The following ENTREP2 variants were observed in gnomAD, a reference collection of about 807,000 sequenced individuals.
ENTREP2 encodes the protein protein ENTREP2.
the ENTREP2 span, among the ~76,000 whole-genome samples, chr15:29,673,485 G>A: frequency 5.3e-5 from 8 of 152,140 alleles, no homozygotes; most frequent in Non-Finnish European, 1.0e-4. Flanking sequence ...AGAGGCCACA[G>A]GATCCCATGT....
chr15:29,253,770 G>C, the ENTREP2 span, among the ~76,000 whole-genome samples: 1 of 151,642 alleles, frequency 6.6e-6, no homozygotes, highest in African/African-American at 2.4e-5. Context: ...TGATGTTAGC[G>C]GCCATTTTTA....
the ENTREP2 span, among the ~76,000 whole-genome samples, chr15:29,617,794 C>G: frequency 6.6e-6 from 1 of 152,206 alleles, no homozygotes; most frequent in Non-Finnish European, 1.5e-5. Context: ...CCGATGGCTG[C>G]ACAAGGTGGT....
chr15:29,596,279 G>A, the ENTREP2 span, among the ~76,000 whole-genome samples: 2 of 152,272 alleles, frequency 1.3e-5, no homozygotes, highest in South Asian at 2.1e-4. Flanking sequence ...ATATTGAGAA[G>A]CATGAGTTCC....
the ENTREP2 span, among the ~76,000 whole-genome samples, chr15:29,411,518 CT>C: frequency 6.6e-6 from 1 of 152,194 alleles, no homozygotes; most frequent in African/African-American, 2.4e-5. Flanking sequence ...ATTTTGTCCA[CT>C]TTTCTATTGA....
the ENTREP2 span, among the ~76,000 whole-genome samples, chr15:29,600,469 T>TCATCATCATCAA: frequency 6.6e-6 from 1 of 151,374 alleles, no homozygotes; most frequent in Non-Finnish European, 1.5e-5. Flanking sequence ...ATCATCATCA[T>TCATCATCATCAA]CAATCATCAT....
At chr15:29,470,722 C>A in the ENTREP2 span, among the ~76,000 whole-genome samples, 10,761 of 152,256 alleles carry the variant, frequency 0.071, 508 homozygotes, top group South Asian at 0.13. Flanking sequence ...GCCTGAAGGA[C>A]GCTCTGCCTT....
At chr15:29,598,295 T>G in the ENTREP2 span, among the ~76,000 whole-genome samples, 3 of 152,142 alleles carry the variant, frequency 2.0e-5, no homozygotes, top group Non-Finnish European at 4.4e-5. Context: ...AGTAGATGTG[T>G]GGGGGTATGT....
the ENTREP2 span, chr15:29,381,942 C>T: frequency 1.0e-6 from 1 of 963,920 alleles, no homozygotes; most frequent in Non-Finnish European, 1.6e-6. Flanking sequence ...ACACAGCACA[C>T]ACACAGTGGC....
chr15:29,526,668 C>T, the ENTREP2 span, among the ~76,000 whole-genome samples: 1 of 151,594 alleles, frequency 6.6e-6, no homozygotes, highest in East Asian at 1.9e-4. Flanking sequence ...GGTGTCTTAA[C>T]GATATTGCCC....
At chr15:29,235,015 CA>C in the ENTREP2 span, 1 of 1,255,330 alleles carries the variant, frequency 8.0e-7, no homozygotes, top group African/African-American at 1.5e-5. Flanking sequence ...CTTGAAGTTT[CA>C]ATCTTTAGAT....
At chr15:29,308,956 G>T in the ENTREP2 span, among the ~76,000 whole-genome samples, 1 of 152,142 alleles carries the variant, frequency 6.6e-6, no homozygotes. Context: ...TCCCCACACA[G>T]TGTACCTGTC....
At chr15:29,309,154 G>A in the ENTREP2 span, among the ~76,000 whole-genome samples, 8 of 152,206 alleles carry the variant, frequency 5.3e-5, no homozygotes, top group South Asian at 1.2e-3. Context: ...GGAGATTAGA[G>A]GTGAAATTCT....
chr15:29,158,485 A>G, the ENTREP2 span, among the ~76,000 whole-genome samples: 2 of 147,752 alleles, frequency 1.4e-5, no homozygotes, highest in African/African-American at 2.5e-5. Flanking sequence ...GGCTCACTGC[A>G]ACCTCCACCT....
At chr15:29,262,182 G>C in the ENTREP2 span, among the ~76,000 whole-genome samples, 10 of 151,570 alleles carry the variant, frequency 6.6e-5, no homozygotes, top group African/African-American at 2.2e-4. Context: ...TATACATATT[G>C]GTTTCCTTCC....
chr15:29,514,782 CAG>C, the ENTREP2 span, among the ~76,000 whole-genome samples: 1 of 152,184 alleles, frequency 6.6e-6, no homozygotes, highest in South Asian at 2.1e-4. Flanking sequence ...CTTCAAAGCA[CAG>C]GGCTGTTGGG....
At chr15:29,271,349 G>A in the ENTREP2 span, among the ~76,000 whole-genome samples, 7 of 152,178 alleles carry the variant, frequency 4.6e-5, no homozygotes, top group Non-Finnish European at 1.0e-4. Flanking sequence ...TCTGCAAAAG[G>A]TCCCTACTGC....
chr15:29,336,846 G>A, the ENTREP2 span, among the ~76,000 whole-genome samples: 2 of 152,076 alleles, frequency 1.3e-5, no homozygotes, highest in African/African-American at 4.8e-5. Flanking sequence ...CATGAGAAAA[G>A]GATCTGGATG....
At chr15:29,620,043 G>A in the ENTREP2 span, among the ~76,000 whole-genome samples, 1 of 152,110 alleles carries the variant, frequency 6.6e-6, no homozygotes, top group Admixed American at 6.5e-5. Flanking sequence ...TATAGAATGT[G>A]GGGGTTTATT....
chr15:29,354,238 A>C, the ENTREP2 span, among the ~76,000 whole-genome samples: 2 of 152,138 alleles, frequency 1.3e-5, no homozygotes, highest in South Asian at 4.1e-4. Context: ...TCCAGGACTT[A>C]ACACCAGCAG....
Sources: allele counts gnomAD v4.1 joint callset (sites outside exome capture counted in the v4.1 genomes callset), GRCh38; gene constraint gnomAD v4.1.1; transcripts MANE v1.5; gene names NCBI Gene and HGNC (gene_info 2026-07-23, HGNC 2026-07-21).